NFAT5: variants seen among roughly 807,000 people sequenced by gnomAD.
The protein encoded by NFAT5 is nuclear factor of activated T-cells 5.
A neutral mutation model predicts 166.5 loss-of-function variants in NFAT5; 31 were observed. The ratio of observed to expected loss-of-function variants is 0.19; its 90% CI spans 0.14 to 0.25. The LOEUF (loss-of-function observed/expected upper bound fraction) is 0.25. NFAT5 is among the 10% of genes least tolerant of loss of function. The pLI is 1.00. For missense variants in NFAT5, 1,449 were observed against 1,821.8 expected, an observed-to-expected ratio of 0.80 and a Z score of 3.72; for synonymous variants, 612 against 639.7, an observed-to-expected ratio of 0.96 and a Z score of 0.65.
chr16:69,688,217 A>C (rs1567609364), intron 11 of NFAT5, among the ~76,000 whole-genome samples: 2 of 147,306 alleles, frequency 1.4e-5, no homozygotes, highest in African/African-American at 2.5e-5. Flanking sequence ...AAAAAAAAAA[A>C]AAAAAAAAAC....
intron 2 of NFAT5, among the ~76,000 whole-genome samples, chr16:69,601,456 C>T (rs945528104): frequency 3.3e-5 from 5 of 152,188 alleles, no homozygotes; most frequent in African/African-American, 1.2e-4. Context: ...TAGCCTCGAC[C>T]TCCTGGGCTC....
intron 3 of NFAT5, among the ~76,000 whole-genome samples, chr16:69,645,543 G>C (rs1338858924): frequency 2.0e-5 from 3 of 151,866 alleles, no homozygotes; most frequent in Non-Finnish European, 2.9e-5. Context: ...TTAAATACAT[G>C]TTTTCAATTG....
At chr16:69,637,097 T>G (rs2035001342) in intron 3 of NFAT5, among the ~76,000 whole-genome samples, 1 of 152,154 alleles carries the variant, frequency 6.6e-6, no homozygotes, top group South Asian at 2.1e-4. Context: ...CCCTCTCAAG[T>G]TCAAAGTTCC....
intron 2 of NFAT5, among the ~76,000 whole-genome samples, chr16:69,597,950 A>G (rs2032899944): frequency 6.6e-6 from 1 of 152,214 alleles, no homozygotes; most frequent in African/African-American, 2.4e-5. Flanking sequence ...GCTAGGCCTT[A>G]GTAACTGTTG....
At chr16:69,645,516 A>G (rs570434206) in intron 3 of NFAT5, among the ~76,000 whole-genome samples, 13 of 152,184 alleles carry the variant, frequency 8.5e-5, no homozygotes, top group Admixed American at 3.9e-4. Flanking sequence ...AGTTCATTCA[A>G]ATAATTTAGG....
intron 2 of NFAT5, among the ~76,000 whole-genome samples, chr16:69,585,297 C>T (rs934226384): frequency 2.0e-5 from 3 of 151,858 alleles, no homozygotes; most frequent in Non-Finnish European, 2.9e-5. Flanking sequence ...GTGTGAGCCA[C>T]GGCGCCCAGC....
At chr16:69,679,061 G>A (rs776796708) in intron 10 of NFAT5, among the ~76,000 whole-genome samples, 20 of 151,950 alleles carry the variant, frequency 1.3e-4, no homozygotes, top group Non-Finnish European at 2.8e-4. Context: ...AGCCTCTCAT[G>A]AGTAGCTGGC....
chr16:69,603,613 A>T (rs558086512), intron 2 of NFAT5, among the ~76,000 whole-genome samples: 1 of 152,154 alleles, frequency 6.6e-6, no homozygotes, highest in Non-Finnish European at 1.5e-5. Flanking sequence ...TTAGCCGGGC[A>T]TGGTGATGTG....
Position 69,692,088 on chromosome 16 carries a change from G to A in NFAT5, c.2263G>A (p.Ala755Thr). The A allele has an allele frequency of 6.2e-7, 1 of 1,614,084 alleles. No homozygotes were observed. The highest frequency in any genetic ancestry group is 8.5e-7 in the Non-Finnish European group (1 of 1,180,028). Residue 755 changes from alanine (A) to threonine (T), a missense_variant, in exon 13 of 15, where the codon GCA (alanine) becomes ACA (threonine). Ala to Thr is a moderately conservative substitution (Grantham distance 58, BLOSUM62 0). Coordinates refer to ENST00000349945, the MANE Select transcript of NFAT5 (RefSeq NM_138713.4). Reference protein sequence around the residue: ...TVVNLSQLTEASQQQQQSPLQ... With the variant: ...TVVNLSQLTETSQQQQQSPLQ... ...GGTTAATTTGTCACAACTGACTGAG[G>A]CATCACAACAACAGCAGCAGTCACC...
At chr16:69,575,900 A>T (rs2016718980) in intron 2 of NFAT5, among the ~76,000 whole-genome samples, 1 of 152,242 alleles carries the variant, frequency 6.6e-6, no homozygotes, top group Admixed American at 6.5e-5. Context: ...GTACAGAGGG[A>T]TCTACTAATT....
chr16:69,666,202 A>G (rs1344990937), intron 7 of NFAT5, among the ~76,000 whole-genome samples: 2 of 141,592 alleles, frequency 1.4e-5, no homozygotes, highest in Non-Finnish European at 3.1e-5. Flanking sequence ...CGTTAGACCT[A>G]AAACCATAAA....
intron 2 of NFAT5, among the ~76,000 whole-genome samples, chr16:69,610,961 C>G (rs2151556330): frequency 6.6e-6 from 1 of 152,188 alleles, no homozygotes; most frequent in African/African-American, 2.4e-5. Flanking sequence ...TGGGAGCAGA[C>G]TCGGGTTTCT....
chr16:69,633,569 C>T (rs796104757), intron 3 of NFAT5, among the ~76,000 whole-genome samples: 1 of 152,030 alleles, frequency 6.6e-6, no homozygotes, highest in East Asian at 1.9e-4. Flanking sequence ...GTGAAATAAG[C>T]CAGGAACAGA....
chr16:69,645,380 C>G (rs530073035), intron 3 of NFAT5, among the ~76,000 whole-genome samples: 2 of 152,190 alleles, frequency 1.3e-5, no homozygotes, highest in South Asian at 4.1e-4. Context: ...TTTCTTTAGA[C>G]TCCTTCACTT....
intron 2 of NFAT5, among the ~76,000 whole-genome samples, chr16:69,612,185 T>C (rs1302951994): frequency 6.6e-6 from 1 of 152,200 alleles, no homozygotes; most frequent in Non-Finnish European, 1.5e-5. Context: ...TTTTATAACC[T>C]CATCAACAAA....
At chr16:69,621,962 CAAATAAAATA>C (rs147565539) in intron 2 of NFAT5, among the ~76,000 whole-genome samples, 6 of 150,928 alleles carry the variant, frequency 4.0e-5, no homozygotes, top group South Asian at 2.1e-4. Context: ...GACCCTGACT[CAAATAAAATA>C]AAATAAAATA....
At chr16:69,625,895 A>G (rs1176644840) in intron 2 of NFAT5, among the ~76,000 whole-genome samples, 2 of 151,852 alleles carry the variant, frequency 1.3e-5, no homozygotes, top group African/African-American at 4.8e-5. Flanking sequence ...GAAAACAGGG[A>G]CAGAACTAAT....
At position 69,596,611 on chromosome 16, in the gene NFAT5, A is replaced by G. The variant is rs547267492; in HGVS notation, c.127+28063A>G. Among the ~76,000 whole-genome samples, 33 of 151,884 alleles carry G rather than the reference A, an allele frequency of 2.2e-4. No homozygotes were observed. The South Asian group carries it at 6.3e-3, about 29-fold the overall frequency. ...CACGTGCCTGTAATTGCAGCTACTC[A>G]GGAGGCTGACGCAGGAGAATCGCTT... is the stretch of plus-strand genomic sequence containing the variant. On this transcript the variant is annotated intron_variant, in intron 2 of 14. Transcript: ENST00000349945.
rs1443162448 is a variant in NFAT5, at chr16:69,568,483, T to C, written c.74-12T>C. 1 of 1,612,148 alleles carries C rather than the reference T, an allele frequency of 6.2e-7. No homozygotes were observed. Among genetic ancestry groups the C allele is most frequent in the South Asian group, 1.1e-5 (1 of 90,652 alleles). On this transcript the variant is annotated splice_polypyrimidine_tract_variant and intron_variant, in intron 1 of 14. Coordinates refer to ENST00000349945, the MANE Select transcript of NFAT5 (RefSeq NM_138713.4). ...AGCATAAAAAGTACCTAATGCTTTT[T>C]GTGTTTTTCAGATTCTCTGAAGTTA...
Sources: gnomAD v4.1 joint callset for allele counts (sites outside exome capture counted in the v4.1 genomes callset) on GRCh38, gnomAD v4.1.1 for gene constraint, MANE v1.5 for transcripts, NCBI Gene and HGNC (gene_info 2026-07-23, HGNC 2026-07-21) for gene names.